The following RFX3 variants were observed in gnomAD, a reference collection of about 807,000 sequenced individuals.
RFX3 encodes transcription factor RFX3.
In RFX3, 14 loss-of-function variants were observed where a neutral mutation model predicts 98.6. The observed-to-expected ratio is 0.14, with a 90% CI of 0.09 to 0.22. The LOEUF (loss-of-function observed/expected upper bound fraction) is 0.22. Ranked by LOEUF, RFX3 falls within the 10% of genes least tolerant of loss-of-function variation. RFX3 has a pLI of 1.00. For missense variants in RFX3, 639 were observed against 926.9 expected (o/e 0.69, Z 4.03); for synonymous variants, 383 against 328.4 (o/e 1.17, Z -1.80).
At chr9:3,307,617 T>G (rs2986696) in intron 4 of RFX3, among the ~76,000 whole-genome samples, 19,071 of 152,182 alleles carry the variant, frequency 0.13, 1,252 homozygotes, top group Middle Eastern at 0.19. Flanking sequence ...ATGAACACAA[T>G]GGCCTTTATT....
In RFX3 at chr9:3,275,520, G is replaced by T; in HGVS notation, c.1066C>A (p.Leu356Ile). 1 of 1,603,146 alleles carries T rather than the reference G, an allele frequency of 6.2e-7. No individual in the cohort carries two copies. Reference sequence around the variant, plus strand: ...CTTACCTCACAGTGCTCTCTATAAAGACTCTGCAGTGACTTGATATCCTCA... The same window carrying T: ...CTTACCTCACAGTGCTCTCTATAAATACTCTGCAGTGACTTGATATCCTCA... ...TFEDIKSLQS[L>I]YREHCEAILD... Residue 356 changes from leucine to isoleucine, a missense_variant, in exon 9 of 17, where the codon CTT becomes ATT. Around this residue, in one of 9 missense-constraint regions of RFX3, gnomAD observed 86 missense variants for 113.2 expected, o/e 0.76. Transcript: ENST00000617270.
intron 2 of RFX3, among the ~76,000 whole-genome samples, chr9:3,384,914 C>T (rs1229347883): frequency 6.6e-6 from 1 of 152,094 alleles, no homozygotes; most frequent in Admixed American, 6.6e-5. Context: ...CCTTTTATTC[C>T]CTCACTGTTA....
chr9:3,257,298 A>G (rs1563812799), intron 13 of RFX3, 99 bp from the exon 14 acceptor site: 1 of 938,228 alleles, frequency 1.1e-6, no homozygotes, highest in Non-Finnish European at 1.6e-6. Context: ...AAATTATAAT[A>G]AAAGCTTCAC....
Position 3,276,044 on chromosome 9 carries a change from C to T in RFX3, c.974-432G>A, listed in dbSNP as rs1586842275. Among the ~76,000 whole-genome samples the T allele has an allele frequency of 1.3e-5, 2 of 152,186 alleles. 1 individual carries two copies. The highest frequency in any genetic ancestry group is 6.8e-3 in the Middle Eastern group (2 of 294). On this transcript the variant is annotated intron_variant, in intron 8 of 16. Transcript: ENST00000617270. ...GTCATAAACCTAAAGAGCTACAAAG[C>T]AGATACAAAGAAAACTACAAAAATA...
chr9:3,495,400 T>C (rs750943161), intron 1 of RFX3, among the ~76,000 whole-genome samples: 1 of 152,062 alleles, frequency 6.6e-6, no homozygotes, highest in Non-Finnish European at 1.5e-5. Context: ...CAGAATTACA[T>C]ATTCATTGAT....
At chr9:3,521,662 T>C (rs944438856) in intron 1 of RFX3, among the ~76,000 whole-genome samples, 20 of 152,182 alleles carry the variant, frequency 1.3e-4, no homozygotes, top group African/African-American at 3.9e-4. Flanking sequence ...AATATTATCA[T>C]TTTAAAAGAT....
At chr9:3,391,824 A>G (rs2131868927) in intron 2 of RFX3, among the ~76,000 whole-genome samples, 1 of 152,332 alleles carries the variant, frequency 6.6e-6, no homozygotes, top group East Asian at 1.9e-4. Context: ...ACCAACCCCT[A>G]CGCAGTAAGG....
rs1817254941 is a variant in RFX3, at chr9:3,219,948, G to C, written c.*5094C>G. 6.6e-6 allele frequency: 1 copy of C among 152,158 alleles called. No individual in the cohort carries two copies. The highest frequency in any genetic ancestry group is 6.6e-5 in the Admixed American group (1 of 15,262). 9.4% of individuals were successfully genotyped at this position (152,158 alleles called of 1,614,324 possible). A position where few individuals can be genotyped will look rare whatever the true frequency, so the allele number is the denominator to read the frequency against. On this transcript the variant is annotated 3_prime_UTR_variant, in exon 17 of 17. Transcript: ENST00000617270. ...TGCAGACAACACTGCTTTCATGTTC[G>C]ATCACGCAGGGAACAGAGGGAATCA...
At chr9:3,420,730 T>G (rs1435574178) in intron 1 of RFX3, 1 of 939,528 alleles carries the variant, frequency 1.1e-6, no homozygotes. Flanking sequence ...TATAAACCCC[T>G]GTATCCTTCC....
In RFX3 at chr9:3,501,604, T is replaced by A. The variant is rs1010543427; in HGVS notation, c.-9+24143A>T. Among the ~76,000 whole-genome samples, 8 of 149,642 alleles carry A rather than the reference T, an allele frequency of 5.3e-5. 1 individual carries two copies. In the East Asian group the frequency reaches 9.9e-4, roughly 18 times the overall value. On this transcript the variant is annotated intron_variant, in intron 1 of 16. Transcript: ENST00000617270. Reference sequence around the variant, plus strand: ...TAGAGTCTCACTCTTTCACCCAGGCTGGAGTGCAGTGGTGCAATGTCAGCT... The same window carrying A: ...TAGAGTCTCACTCTTTCACCCAGGCAGGAGTGCAGTGGTGCAATGTCAGCT...
At chr9:3,418,870 C>A (rs577022975) in intron 1 of RFX3, among the ~76,000 whole-genome samples, 2 of 152,278 alleles carry the variant, frequency 1.3e-5, no homozygotes, top group South Asian at 2.1e-4. Flanking sequence ...AAGCAAGAGA[C>A]ATGATCCAGT....
chr9:3,486,679 G>A (rs1053679124), intron 1 of RFX3, among the ~76,000 whole-genome samples: 23 of 152,148 alleles, frequency 1.5e-4, no homozygotes, highest in East Asian at 3.9e-4. Context: ...ATTAAACTCC[G>A]GATTCATGCT....
chr9:3,246,056 T>C (rs1323742137), intron 15 of RFX3, among the ~76,000 whole-genome samples: 2 of 152,210 alleles, frequency 1.3e-5, no homozygotes, highest in African/African-American at 4.8e-5. Flanking sequence ...CAAACAGGTG[T>C]ATGAGGCATC....
intron 2 of RFX3, among the ~76,000 whole-genome samples, chr9:3,385,897 T>A (rs1484561875): frequency 1.3e-5 from 2 of 152,094 alleles, no homozygotes; most frequent in Non-Finnish European, 2.9e-5. Context: ...ATGCCACACT[T>A]GATCCAAAAC....
chr9:3,402,738 A>ATATAT (rs1382250834), intron 1 of RFX3, among the ~76,000 whole-genome samples: 1 of 151,846 alleles, frequency 6.6e-6, no homozygotes, highest in East Asian at 1.9e-4. Context: ...GCTGGAAAAT[A>ATATAT]ATAGTAGCAT....
chr9:3,408,787 GA>G (rs1187464678), intron 1 of RFX3, among the ~76,000 whole-genome samples: 1 of 152,076 alleles, frequency 6.6e-6, no homozygotes, highest in East Asian at 1.9e-4. Context: ...TGTGACCGAG[GA>G]AAAAGTGTTC....
At chr9:3,407,856 T>C (rs546342794) in intron 1 of RFX3, among the ~76,000 whole-genome samples, 1 of 152,290 alleles carries the variant, frequency 6.6e-6, no homozygotes, top group East Asian at 1.9e-4. Flanking sequence ...AATCATGGAA[T>C]ATTCAGAGTT....
intron 2 of RFX3, among the ~76,000 whole-genome samples, chr9:3,391,309 T>C (rs1042816547): frequency 5.9e-5 from 9 of 151,822 alleles, no homozygotes; most frequent in African/African-American, 2.2e-4. Flanking sequence ...GCTTCAAACA[T>C]GACACTATTC....
chr9:3,407,583 T>C (rs985019803), intron 1 of RFX3, among the ~76,000 whole-genome samples: 2 of 152,132 alleles, frequency 1.3e-5, no homozygotes, highest in African/African-American at 2.4e-5. Flanking sequence ...AACCTAGCCA[T>C]ATGCAGTATT....
Sources: allele counts gnomAD v4.1 joint callset (sites outside exome capture counted in the v4.1 genomes callset), GRCh38; gene constraint gnomAD v4.1.1; regional missense constraint gnomAD v4.1.1; transcripts MANE v1.5; gene names NCBI Gene and HGNC (gene_info 2026-07-23, HGNC 2026-07-21).